Variants in MICAL3 observed in about 807,000 individuals in gnomAD.
The protein encoded by MICAL3 is [F-actin]-monooxygenase MICAL3.
A neutral mutation model predicts 207.4 loss-of-function variants in MICAL3; 62 were observed. That is an observed-to-expected ratio of 0.30 (90% CI 0.24 to 0.37). MICAL3 has a LOEUF of 0.37. Among genes scored for constraint, MICAL3 ranks in the 10% least tolerant of loss-of-function variants. The probability of loss-of-function intolerance (pLI) is 1.00; values close to 1 mark genes in which losing one functional copy is unlikely to be tolerated. For missense variants in MICAL3, 2,368 were observed against 2,635.6 expected (o/e 0.90, Z 2.22); for synonymous variants, 1,077 against 1,069.3 (o/e 1.01, Z -0.14).
chr22:17,867,061 T>C (rs1927234891), intron 17 of MICAL3, among the ~76,000 whole-genome samples: 1 of 152,194 alleles, frequency 6.6e-6, no homozygotes, highest in Non-Finnish European at 1.5e-5. Context: ...TCAAAGAAAA[T>C]AAAGGTAAGA....
At chr22:17,932,145 T>A (rs1479388262) in intron 1 of MICAL3, among the ~76,000 whole-genome samples, 3 of 152,084 alleles carry the variant, frequency 2.0e-5, no homozygotes, top group Non-Finnish European at 4.4e-5. Context: ...AAGATACTCC[T>A]TGAGAAGAGC....
At chr22:17,888,331 A>G (rs2146225094) in intron 13 of MICAL3, among the ~76,000 whole-genome samples, 1 of 152,340 alleles carries the variant, frequency 6.6e-6, no homozygotes, top group South Asian at 2.1e-4. Context: ...ACTCTAAGGG[A>G]CAATTAATGA....
At chr22:17,816,841 C>T (rs1921044551) in intron 26 of MICAL3, 57 bp from the exon 27 acceptor site, 3 of 1,295,788 alleles carry the variant, frequency 2.3e-6, no homozygotes, top group Admixed American at 2.0e-5. Flanking sequence ...GCAGCCCTCT[C>T]CTGCTCCTAT....
intron 1 of MICAL3, among the ~76,000 whole-genome samples, chr22:17,970,720 T>C (rs1935371782): frequency 6.6e-6 from 1 of 152,134 alleles, no homozygotes; most frequent in South Asian, 2.1e-4. Flanking sequence ...TGAGAAAAGG[T>C]GCTAAGTCTG....
At chr22:17,834,296 G>T (rs984723249) in intron 20 of MICAL3, 3 of 1,131,748 alleles carry the variant, frequency 2.7e-6, no homozygotes. Flanking sequence ...AGAATATACT[G>T]CAAGGAGCTC....
chr22:17,997,166 C>T (rs1476349267), intron 1 of MICAL3, among the ~76,000 whole-genome samples: 2 of 148,170 alleles, frequency 1.3e-5, no homozygotes, highest in Non-Finnish European at 3.0e-5. Context: ...TGAGCGCAGG[C>T]AATCCTCCCA....
rs966467819 is a variant in MICAL3, at chr22:17,850,533, T to A, written c.2606-8516A>T. On this transcript the variant is annotated intron_variant, in intron 19 of 31. Transcript: ENST00000441493. Reference sequence around the variant, plus strand: ...TTCAAGTGATTCTCCTGCCTCAGCCTCCTGAGTAGCTGGGATTACAGGCGC... The same window carrying A: ...TTCAAGTGATTCTCCTGCCTCAGCCACCTGAGTAGCTGGGATTACAGGCGC... Among the ~76,000 whole-genome samples the A allele has an allele frequency of 5.4e-5, 8 of 146,868 alleles. No homozygotes were observed. The East Asian group carries it at 1.7e-3, about 31-fold the overall frequency.
At chr22:17,920,638 G>A (rs927324976) in intron 1 of MICAL3, among the ~76,000 whole-genome samples, 1 of 152,090 alleles carries the variant, frequency 6.6e-6, no homozygotes, top group African/African-American at 2.4e-5. Flanking sequence ...GATGGCCCTT[G>A]ATTTTTATCA....
At chr22:17,901,845 C>T in intron 5 of MICAL3, 33 bp downstream of exon 5, 1 of 1,556,560 alleles carries the variant, frequency 6.4e-7, no homozygotes, top group Non-Finnish European at 8.9e-7. Context: ...TTTCCCTCTG[C>T]TATGAGCCAG....
At chr22:17,815,319 T>C (rs539590523) in intron 27 of MICAL3, 2 of 152,352 alleles carry the variant, frequency 1.3e-5, no homozygotes, top group South Asian at 2.1e-4. Context: ...GCAGTGGGCA[T>C]ACTACCCACC....
In MICAL3 at chr22:17,889,008, G is replaced by A. The variant is rs372882272; in HGVS notation, c.1891+26C>T. 146 of 1,540,748 alleles carry A rather than the reference G, an allele frequency of 9.5e-5. 1 individual carries two copies. In the Middle Eastern group the frequency reaches 4.1e-3, roughly 43 times the overall value. Reference sequence around the variant, plus strand: ...GGCCACAGCACAGCAGCAGGGGGCCGCAAAGCAGCTCCTTCCAGGCCTTAC... The same window carrying A: ...GGCCACAGCACAGCAGCAGGGGGCCACAAAGCAGCTCCTTCCAGGCCTTAC... On this transcript the variant is annotated intron_variant, in intron 13 of 31. Coordinates refer to ENST00000441493, the MANE Select transcript of MICAL3 (RefSeq NM_015241.3).
intron 1 of MICAL3, among the ~76,000 whole-genome samples, chr22:17,999,888 A>C (rs1374198253): frequency 1.3e-5 from 2 of 152,084 alleles, no homozygotes; most frequent in African/African-American, 4.8e-5. Flanking sequence ...CACAAGAAAA[A>C]CTCACTATAA....
intron 19 of MICAL3, among the ~76,000 whole-genome samples, chr22:17,854,429 C>T (rs1008644700): frequency 1.2e-4 from 18 of 152,194 alleles, no homozygotes; most frequent in East Asian, 7.7e-4. Flanking sequence ...CAAGGTCTGA[C>T]GTGGTAAGCT....
rs775494738 is a variant in MICAL3 at position 17,832,067 on chromosome 22, C to T, written c.2842G>A (p.Glu948Lys). 7 of 1,592,190 alleles carry T rather than the reference C, an allele frequency of 4.4e-6. No homozygotes were observed. The East Asian group carries it at 1.4e-4, about 31-fold the overall frequency. The change falls in exon 21 of 32, where the codon GAG (glutamate) becomes AAG (lysine). Residue 948 changes from glutamate (E) to lysine (K), a missense_variant. Physicochemically the swap from Glu to Lys is moderately conservative, Grantham distance 56. Transcript: ENST00000441493. ...GATGGGGGCAGGCGAGGCTCCTCCT[C>T]CTCCTCCTCTCCCTCCTCCTCCATC... ...SEMEEEGEEEEEEPRLPPSDL... is the reference protein window; with the variant it reads ...SEMEEEGEEEKEEPRLPPSDL...
intron 1 of MICAL3, among the ~76,000 whole-genome samples, chr22:17,964,233 G>A (rs1326091638): frequency 6.6e-6 from 1 of 151,518 alleles, no homozygotes; most frequent in African/African-American, 2.4e-5. Context: ...TCAAGAGGAA[G>A]AAGGCCAGCC....
At position 17,967,197 on chromosome 22, in the gene MICAL3, C is replaced by G. The variant is rs73390523; in HGVS notation, c.-75+57084G>C. Among the ~76,000 whole-genome samples the G allele has an allele frequency of 1.2e-3, 180 of 152,232 alleles. 1 individual carries two copies. The highest frequency in any genetic ancestry group is 1.5e-4 in the Non-Finnish European group (10 of 68,008). On this transcript the variant is annotated intron_variant, in intron 1 of 31. Transcript: ENST00000441493. The stretch of plus-strand genomic sequence containing the variant: ...CCTGGTCTATCCTGGCATAACTACT[C>G]GTTTTCACCATCAGTGATTTTGTTA...
Position 17,818,444 on chromosome 22 carries a change from G to C in MICAL3, c.4217C>G (p.Ser1406Cys). The C allele has an allele frequency of 1.2e-6, 2 of 1,612,862 alleles. No individual in the cohort carries two copies. The highest frequency in any genetic ancestry group is 1.6e-4 in the Middle Eastern group (1 of 6,062). The part of the protein sequence containing the change: ...GEPLSLPTPR[S>C]PSDRELRSAQ... ...GCTGCGTAGCTCTCTGTCGGACGGG[G>C]ACCGGGGGGTTGGCAGGGACAACGG... Residue 1406 changes from serine to cysteine, a missense_variant, in exon 26 of 32, where the codon TCC (serine) becomes TGC (cysteine). Ser to Cys is a moderately radical substitution (Grantham distance 112, BLOSUM62 -1). Coordinates refer to ENST00000441493, the MANE Select transcript of MICAL3 (RefSeq NM_015241.3).
At chr22:17,960,819 G>A (rs1229709686) in intron 1 of MICAL3, among the ~76,000 whole-genome samples, 2 of 152,168 alleles carry the variant, frequency 1.3e-5, no homozygotes, top group African/African-American at 2.4e-5. Context: ...TCTGAGGCGA[G>A]CAGGAGCAGA....
chr22:17,887,415 C>T lies in MICAL3; in HGVS notation c.1912G>A (p.Glu638Lys), dbSNP rs1018026183. Residue 638 changes from glutamate (E) to lysine (K), a missense_variant, in exon 14 of 32, where the codon GAG (glutamate) becomes AAG (lysine). By Grantham distance (56) the Glu-to-Lys change is moderately conservative (BLOSUM62 1). Transcript: ENST00000441493. ...PSSDTLDLNA[E>K]EKAVLIASTR... ...CTGGCTATCAGGACTGCTTTCTCCT[C>T]GGCATTTAGGTCCAAGGTGTCTGGG... 8.7e-6 allele frequency: 14 copies of T among 1,613,386 alleles called. No homozygotes were observed. Among genetic ancestry groups the T allele is most frequent in the East Asian group, 6.7e-5 (3 of 44,894 alleles).
Sources: allele counts gnomAD v4.1 joint callset (sites outside exome capture counted in the v4.1 genomes callset), GRCh38; gene constraint gnomAD v4.1.1; transcripts MANE v1.5; gene names NCBI Gene and HGNC (gene_info 2026-07-23, HGNC 2026-07-21).